KCNK5: variants seen among roughly 807,000 people sequenced by gnomAD.
The protein encoded by KCNK5 is potassium channel subfamily K member 5.
A neutral mutation model predicts 32.9 loss-of-function variants in KCNK5; 18 were observed. The ratio of observed to expected loss-of-function variants is 0.55; its 90% CI spans 0.38 to 0.81. KCNK5 has a LOEUF of 0.81. Ranked by LOEUF, KCNK5 falls within the 30% of genes least tolerant of loss-of-function variation. The pLI, the probability that KCNK5 is intolerant of heterozygous loss-of-function variation, is 0.00. For missense variants in KCNK5, 507 were observed against 651.0 expected (o/e 0.78, Z 2.41); for synonymous variants, 276 against 275.3 (o/e 1.00, Z -0.03).
At chr6:39,225,186 T>G (rs2815124) in intron 1 of KCNK5, among the ~76,000 whole-genome samples, 15 of 151,934 alleles carry the variant, frequency 9.9e-5, no homozygotes, top group Non-Finnish European at 1.9e-4. Flanking sequence ...CAGCTCGGAG[T>G]GTAGCCTAAT....
Position 39,191,638 on chromosome 6 carries a change from TC to T in KCNK5, c.751del (p.Glu251LysfsTer29). ...CCGCTTCTTAATGGCTTTGTGGACT[TC>T]CACAAACATGCTCACCTTCCAGTTG... is the stretch of plus-strand genomic sequence containing the variant. ...FVNWKVSMFV[E>X]VHKAIKKRRR... On this transcript the variant is annotated frameshift_variant, in exon 5 of 5. Coordinates refer to ENST00000359534, the MANE Select transcript of KCNK5 (RefSeq NM_003740.4). LOFTEE classifies it high-confidence loss of function. This position sits in a 1 kb window ranked among gnomAD's most constrained non-coding sequence, Gnocchi z 5.8. 6.2e-7 allele frequency: 1 copy of T among 1,613,998 alleles called. No individual in the cohort carries two copies. The highest frequency in any genetic ancestry group is 8.5e-7 in the Non-Finnish European group (1 of 1,180,014).
intron 1 of KCNK5, among the ~76,000 whole-genome samples, chr6:39,216,841 G>A (rs931196241): frequency 4.6e-5 from 7 of 152,072 alleles, no homozygotes; most frequent in Admixed American, 1.3e-4. Context: ...ACTCACTGCC[G>A]GGCGCGGTGG....
chr6:39,195,736 T>A, intron 2 of KCNK5, 140 bp downstream of exon 2: 1 of 576,228 alleles, frequency 1.7e-6, no homozygotes, highest in Non-Finnish European at 3.1e-6. Context: ...AACAAATCCC[T>A]AAGAAAGTAT....
Position 39,191,859 on chromosome 6 carries a change from G to T in KCNK5, c.635-104C>A. On this transcript the variant is annotated intron_variant, in intron 4 of 4. Coordinates refer to ENST00000359534, the MANE Select transcript of KCNK5 (RefSeq NM_003740.4). The surrounding 1 kb of genome is among the most constrained non-coding windows in gnomAD (Gnocchi z 5.8). ...TGAGCAGGGGTCAGGCCAGAGCACAGGACGGGGGTGCAGTGGGATAGAAAG... is the reference window on the plus strand; with the variant it reads ...TGAGCAGGGGTCAGGCCAGAGCACATGACGGGGGTGCAGTGGGATAGAAAG... The T allele has an allele frequency of 8.0e-7, 1 of 1,248,758 alleles. No individual in the cohort carries two copies. The allele number at this position is 1,248,758 out of a possible 1,614,324, so 77.4% of individuals were successfully genotyped here. A position where few individuals can be genotyped will look rare whatever the true frequency, so the allele number is the denominator to read the frequency against.
At chr6:39,201,274 G>C (rs918675209) in intron 1 of KCNK5, among the ~76,000 whole-genome samples, 1 of 144,916 alleles carries the variant, frequency 6.9e-6, no homozygotes, top group Non-Finnish European at 1.5e-5. Flanking sequence ...TTTTTGCGAT[G>C]AGAGTCTCAC....
chr6:39,208,071 C>T (rs1168931775), intron 1 of KCNK5, among the ~76,000 whole-genome samples: 1 of 152,180 alleles, frequency 6.6e-6, no homozygotes, highest in East Asian at 1.9e-4. Context: ...TCCCTCCTCC[C>T]TCTCCCCCTG....
In KCNK5 at chr6:39,229,298, CG is replaced by C; in HGVS notation, c.-188del. 2.9e-6 allele frequency: 2 copies of C among 691,676 alleles called. No homozygotes were observed. Among genetic ancestry groups the C allele is most frequent in the Non-Finnish European group, 4.7e-6 (2 of 423,330 alleles). 42.8% of individuals were successfully genotyped at this position (691,676 alleles called of 1,614,324 possible). A position where few individuals can be genotyped will look rare whatever the true frequency, so the allele number is the denominator to read the frequency against. On this transcript the variant is annotated 5_prime_UTR_variant, in exon 1 of 5. Transcript: ENST00000359534. ...CTTGGCCAAGTTGGCCCACGGAGTG[CG>C]GGGAGCTGCGTGGGGCCCCACTCAC...
At chr6:39,214,530 G>C (rs1250697147) in intron 1 of KCNK5, among the ~76,000 whole-genome samples, 1 of 152,190 alleles carries the variant, frequency 6.6e-6, no homozygotes, top group Non-Finnish European at 1.5e-5. Flanking sequence ...TGGGCTTGGG[G>C]GCTGTTGGGA....
At chr6:39,213,708 G>A (rs1771379794) in intron 1 of KCNK5, among the ~76,000 whole-genome samples, 1 of 152,160 alleles carries the variant, frequency 6.6e-6, no homozygotes, top group African/African-American at 2.4e-5. Context: ...TGTGTACACA[G>A]GCTGGGTGTG....
chr6:39,211,150 A>G (rs1771330373), intron 1 of KCNK5, among the ~76,000 whole-genome samples: 2 of 152,208 alleles, frequency 1.3e-5, no homozygotes, highest in South Asian at 4.1e-4. Flanking sequence ...TCACCTGATC[A>G]GTGTACATTA....
At chr6:39,223,874 A>G (rs1771603681) in intron 1 of KCNK5, among the ~76,000 whole-genome samples, 1 of 152,114 alleles carries the variant, frequency 6.6e-6, no homozygotes, top group Non-Finnish European at 1.5e-5. Flanking sequence ...CCAGGAAAAT[A>G]TTTAAAAGCA....
intron 1 of KCNK5, among the ~76,000 whole-genome samples, chr6:39,196,954 A>G (rs976528917): frequency 6.6e-6 from 1 of 152,180 alleles, no homozygotes; most frequent in Non-Finnish European, 1.5e-5. Context: ...CCATCTGACT[A>G]GGCCCCAATT....
intron 1 of KCNK5, among the ~76,000 whole-genome samples, chr6:39,209,532 G>A (rs1486009831): frequency 1.3e-5 from 2 of 152,200 alleles, no homozygotes; most frequent in African/African-American, 2.4e-5. Flanking sequence ...GTGAGGGATG[G>A]GGTGGGGGTT....
intron 1 of KCNK5, among the ~76,000 whole-genome samples, chr6:39,211,793 G>A (rs564722089): frequency 3.0e-4 from 46 of 151,768 alleles, no homozygotes; most frequent in Non-Finnish European, 4.6e-4. Flanking sequence ...GTGAAACCCC[G>A]TCTCTACTAA....
intron 1 of KCNK5, among the ~76,000 whole-genome samples, chr6:39,205,465 A>G (rs1771207713): frequency 6.6e-6 from 1 of 152,128 alleles, no homozygotes; most frequent in East Asian, 1.9e-4. Flanking sequence ...TCATTTACCT[A>G]TAGCTTCTCT....
intron 1 of KCNK5, among the ~76,000 whole-genome samples, chr6:39,197,049 T>C (rs1771043044): frequency 6.6e-6 from 1 of 151,772 alleles, no homozygotes; most frequent in African/African-American, 2.4e-5. Flanking sequence ...AAGAAGGGAC[T>C]CTAAATCTGG....
chr6:39,213,624 A>C (rs1312166782), intron 1 of KCNK5, among the ~76,000 whole-genome samples: 1 of 152,206 alleles, frequency 6.6e-6, no homozygotes, highest in Non-Finnish European at 1.5e-5. Flanking sequence ...AGTGGGGAAG[A>C]GGGGTGTAAG....
chr6:39,216,724 C>G (rs1771444562), intron 1 of KCNK5, among the ~76,000 whole-genome samples: 1 of 152,150 alleles, frequency 6.6e-6, no homozygotes, highest in Admixed American at 6.5e-5. Context: ...ACGGCAGCTC[C>G]CGTTACGGCT....
chr6:39,213,243 C>T (rs930353594), intron 1 of KCNK5, among the ~76,000 whole-genome samples: 2 of 152,172 alleles, frequency 1.3e-5, no homozygotes, highest in East Asian at 1.9e-4. Context: ...TATTTTATCC[C>T]TTAAAAAATT....
Sources: allele counts gnomAD v4.1 joint callset (sites outside exome capture counted in the v4.1 genomes callset), GRCh38; gene constraint gnomAD v4.1.1; non-coding constraint Gnocchi (gnomAD v3.1); transcripts MANE v1.5; gene names NCBI Gene and HGNC (gene_info 2026-07-23, HGNC 2026-07-21).